The following PCDHGB6 variants were observed in gnomAD, a reference collection of about 807,000 sequenced individuals.
PCDHGB6 encodes protocadherin gamma subfamily B, 6, also known as protocadherin gamma-B6.
Under a neutral mutation model 59.1 loss-of-function variants are expected in PCDHGB6, and 51 were observed. The ratio of observed to expected loss-of-function variants is 0.86; its 90% CI spans 0.69 to 1.09. The LOEUF (loss-of-function observed/expected upper bound fraction) is 1.09. Among genes scored for constraint, PCDHGB6 ranks in the 50% least tolerant of loss-of-function variants. PCDHGB6 has a pLI of 0.00. For synonymous variants in PCDHGB6, 466 were observed against 495.1 expected, an observed-to-expected ratio of 0.94 and a Z score of 0.78; for missense variants, 1,148 against 1,205.1, an observed-to-expected ratio of 0.95 and a Z score of 0.70.
At position 141,489,300 on chromosome 5, in the gene PCDHGB6, C is replaced by T; in HGVS notation, c.2419-5507C>T. 1 of 1,585,700 alleles carries T rather than the reference C, an allele frequency of 6.3e-7. No individual in the cohort carries two copies. The highest frequency in any genetic ancestry group is 1.3e-5 in the African/African-American group (1 of 74,388). On this transcript the variant is annotated intron_variant, in intron 1 of 3. Coordinates refer to ENST00000520790, the MANE Select transcript of PCDHGB6 (RefSeq NM_018926.3). This position sits in a 1 kb window ranked among gnomAD's most constrained non-coding sequence, Gnocchi z 4.5. The stretch of plus-strand genomic sequence containing the variant: ...AATGGCAAGTGCTGTGCATGTTGTC[C>T]TTGTGCTGCTGGGGCTGGGTGTCTG...
rs145569377 is a variant in PCDHGB6 at position 141,455,860 on chromosome 5, ATTATTTATTTATTTAT to A, written c.2419-38908_2419-38893del. Among the ~76,000 whole-genome samples, 551 of 139,848 alleles carry A rather than the reference ATTATTTATTTATTTAT, an allele frequency of 3.9e-3. 2 individuals carry two copies. The highest frequency in any genetic ancestry group is 9.7e-3 in the South Asian group (42 of 4,344). The allele number at this position is 139,848 out of a possible 152,430, so 91.7% of individuals were successfully genotyped here. ...CTATCTGCATAAAATAATTTCTTTTATTATTTATTTATTTATTTATTTATTTATTTATTTATTTATT... is the reference window on the plus strand; with the variant it reads ...CTATCTGCATAAAATAATTTCTTTTATTATTTATTTATTTATTTATTTATT... On this transcript the variant is annotated intron_variant, in intron 1 of 3. Transcript: ENST00000520790.
intron 1 of PCDHGB6, chr5:141,415,448 C>T (rs2095870056): frequency 6.2e-7 from 1 of 1,614,052 alleles, no homozygotes; most frequent in African/African-American, 1.3e-5. Flanking sequence ...CAGACCTATT[C>T]CCACGAGGTC....
intron 1 of PCDHGB6, chr5:141,416,766 T>C (rs906070451): frequency 2.0e-5 from 3 of 152,212 alleles, no homozygotes; most frequent in African/African-American, 7.2e-5. Context: ...GATCTCTTAA[T>C]TTTATTACTA....
chr5:141,412,940 T>C, intron 1 of PCDHGB6: 1 of 463,218 alleles, frequency 2.2e-6, no homozygotes, highest in Non-Finnish European at 3.8e-6. Flanking sequence ...CTTAGGACTC[T>C]GAGCGCCGCT....
At chr5:141,426,767 A>G (rs1219028777) in intron 1 of PCDHGB6, 1 of 456,548 alleles carries the variant, frequency 2.2e-6, no homozygotes, top group Admixed American at 2.3e-5. Flanking sequence ...ATGCAGATGT[A>G]GGGCCTCACT....
At chr5:141,436,318 CTG>C (rs1309397202) in intron 1 of PCDHGB6, among the ~76,000 whole-genome samples, 1 of 152,154 alleles carries the variant, frequency 6.6e-6, no homozygotes, top group Non-Finnish European at 1.5e-5. Flanking sequence ...ATAGTCAAGA[CTG>C]TTAGACCATA....
At chr5:141,459,670 T>A (rs890411975) in intron 1 of PCDHGB6, among the ~76,000 whole-genome samples, 4 of 152,264 alleles carry the variant, frequency 2.6e-5, no homozygotes, top group African/African-American at 9.6e-5. Context: ...TACATTTTCA[T>A]GAGCAATGCA....
Position 141,486,098 on chromosome 5 carries a change from G to A in PCDHGB6, c.2419-8709G>A, listed in dbSNP as rs1211678224. ...AAAGCTTACTCTTTTGGGGCCCCTA[G>A]ACTTTGAGAGTGAGAATTACTATGA... On this transcript the variant is annotated intron_variant, in intron 1 of 3. Transcript: ENST00000520790. This position sits in a 1 kb window ranked among gnomAD's most constrained non-coding sequence, Gnocchi z 5.0. 5.0e-6 allele frequency: 8 copies of A among 1,614,032 alleles called. No homozygotes were observed. Among genetic ancestry groups the A allele is most frequent in the Admixed American group, 3.3e-5 (2 of 59,994 alleles).
In PCDHGB6 at chr5:141,511,086, G is replaced by A. The variant is rs2099883600; in HGVS notation, c.2706G>A (p.Leu902=). The A allele has an allele frequency of 1.2e-6, 2 of 1,614,062 alleles. No individual in the cohort carries two copies. The highest frequency in any genetic ancestry group is 2.2e-5 in the East Asian group (1 of 44,886). The change falls in exon 4 of 4, where the codon CTG becomes CTA. Residue 902 remains leucine (L), a synonymous_variant. Transcript: ENST00000520790. ...ACATCCCAGGCAGCAATGCCACACT[G>A]ACCAACGCAGCTGGCAAGCGGGATG... is the stretch of plus-strand genomic sequence containing the variant. The part of the protein sequence containing the change: ...NVYIPGSNAT[L]TNAAGKRDGK...
chr5:141,488,705 G>T (rs1024064135), intron 1 of PCDHGB6, among the ~76,000 whole-genome samples: 1 of 152,200 alleles, frequency 6.6e-6, no homozygotes, highest in Non-Finnish European at 1.5e-5. Context: ...AGATTTTGCT[G>T]GTTCAAGCAA....
At chr5:141,444,288 C>T (rs2098430665) in intron 1 of PCDHGB6, among the ~76,000 whole-genome samples, 1 of 150,100 alleles carries the variant, frequency 6.7e-6, no homozygotes, top group South Asian at 2.1e-4. Flanking sequence ...TCTCCTGCCT[C>T]AGCCTCCCTA....
intron 2 of PCDHGB6, among the ~76,000 whole-genome samples, chr5:141,495,107 AC>A (rs1422274779): frequency 1.3e-5 from 2 of 152,048 alleles, no homozygotes; most frequent in Non-Finnish European, 2.9e-5. Context: ...CACGACCGGC[AC>A]CTTTTCCTAT....
rs760676891 is a variant in PCDHGB6, at chr5:141,413,180, CCGCTCAAAGGAAT to C, written c.2418+2575_2418+2587del. The C allele has an allele frequency of 6.9e-5, 111 of 1,602,612 alleles. No individual in the cohort carries two copies. The East Asian group carries it at 9.6e-4, about 14-fold the overall frequency. ...GAATTCTGTAACCAGACTACAATGG[CCGCTCAAAGGAAT>C]CGCTCAAAGGAATCAAAGGATTGCA... On this transcript the variant is annotated intron_variant, in intron 1 of 3. Transcript: ENST00000520790.
Position 141,476,023 on chromosome 5 carries a change from G to A in PCDHGB6, c.2419-18784G>A. 1 of 1,415,690 alleles carries A rather than the reference G, an allele frequency of 7.1e-7. No homozygotes were observed. The highest frequency in any genetic ancestry group is 2.3e-5 in the Admixed American group (1 of 43,980). 87.7% of individuals were successfully genotyped at this position (1,415,690 alleles called of 1,614,324 possible). A position where few individuals can be genotyped will look rare whatever the true frequency, so the allele number is the denominator to read the frequency against. ...CATCCAGAAAGCCATGTCGGACTCG[G>A]CGCCCAGCGCCCAAGCGCTAACCCG... On this transcript the variant is annotated intron_variant, in intron 1 of 3. Coordinates refer to ENST00000520790, the MANE Select transcript of PCDHGB6 (RefSeq NM_018926.3). This position sits in a 1 kb window ranked among gnomAD's most constrained non-coding sequence, Gnocchi z 7.6.
rs777990962 is a variant in PCDHGB6, at chr5:141,431,580, A to T, written c.2418+20960A>T. ...GCTACCGACCCTGACGAAGGAGTCA[A>T]TGCGGAAGTGAGGTATTCCTTCCGG... is the stretch of plus-strand genomic sequence containing the variant. On this transcript the variant is annotated intron_variant, in intron 1 of 3. Coordinates refer to ENST00000520790, the MANE Select transcript of PCDHGB6 (RefSeq NM_018926.3). The surrounding 1 kb of genome is among the most constrained non-coding windows in gnomAD (Gnocchi z 4.8). The T allele has an allele frequency of 6.2e-7, 1 of 1,614,216 alleles. No individual in the cohort carries two copies.
At chr5:141,502,547 C>G (rs1340258642) in intron 2 of PCDHGB6, among the ~76,000 whole-genome samples, 2 of 152,156 alleles carry the variant, frequency 1.3e-5, no homozygotes, top group East Asian at 3.8e-4. Context: ...GTGGTAAAAA[C>G]AGTGTCCCAG....
At chr5:141,470,306 T>C (rs2099227644) in intron 1 of PCDHGB6, among the ~76,000 whole-genome samples, 1 of 152,222 alleles carries the variant, frequency 6.6e-6, no homozygotes, top group South Asian at 2.1e-4. Flanking sequence ...TTATTCCATT[T>C]TTCCTCAAAT....
rs764843194 is a variant in PCDHGB6 at position 141,490,530 on chromosome 5, T to A, written c.2419-4277T>A. 1.2e-6 allele frequency: 2 copies of A among 1,613,794 alleles called. No individual in the cohort carries two copies. Among genetic ancestry groups the A allele is most frequent in the African/African-American group, 2.7e-5 (2 of 74,846 alleles). ...TCGAGCTGCTGGCCAGCGATGCTGG[T>A]TCACCTTCCCTACACAAACATCTCA... On this transcript the variant is annotated intron_variant, in intron 1 of 3. Coordinates refer to ENST00000520790, the MANE Select transcript of PCDHGB6 (RefSeq NM_018926.3). This position sits in a 1 kb window ranked among gnomAD's most constrained non-coding sequence, Gnocchi z 5.4.
intron 1 of PCDHGB6, among the ~76,000 whole-genome samples, chr5:141,451,429 G>A (rs577699188): frequency 1.3e-3 from 195 of 152,306 alleles, no homozygotes; most frequent in African/African-American, 4.5e-3. Flanking sequence ...TAGACTAAGG[G>A]TTCCAGTTCC....
Sources: allele counts gnomAD v4.1 joint callset (sites outside exome capture counted in the v4.1 genomes callset), GRCh38; gene constraint gnomAD v4.1.1; non-coding constraint Gnocchi (gnomAD v3.1); transcripts MANE v1.5; gene names NCBI Gene and HGNC (gene_info 2026-07-23, HGNC 2026-07-21).